MEIS2: variants seen among roughly 807,000 people sequenced by gnomAD.
MEIS2 encodes Meis homeobox 2, also known as homeobox protein Meis2.
Under a neutral mutation model 58.6 loss-of-function variants are expected in MEIS2, and 9 were observed. That is an observed-to-expected ratio of 0.15 (90% CI 0.09 to 0.27). The LOEUF (loss-of-function observed/expected upper bound fraction) is 0.27, where lower values mean the gene tolerates loss of function less well. Ranked by LOEUF, MEIS2 falls within the 10% of genes least tolerant of loss-of-function variation. The pLI is 1.00. For missense variants in MEIS2, 427 were observed against 635.0 expected (o/e 0.67, Z 3.52); for synonymous variants, 221 against 228.4 (o/e 0.97, Z 0.29).
intron 7 of MEIS2, among the ~76,000 whole-genome samples, chr15:37,062,571 T>C (rs1315967781): frequency 6.6e-6 from 1 of 152,204 alleles, no homozygotes; most frequent in East Asian, 1.9e-4. Context: ...CCTACGATCA[T>C]GGAGATTGAA....
At chr15:36,973,444 C>T (rs566060895) in intron 8 of MEIS2, among the ~76,000 whole-genome samples, 17 of 152,144 alleles carry the variant, frequency 1.1e-4, no homozygotes, top group Non-Finnish European at 2.2e-4. Context: ...ATGCTGCTGC[C>T]TCTTTAAAGC....
At chr15:36,955,371 TC>T (rs1438992342) in intron 8 of MEIS2, among the ~76,000 whole-genome samples, 1 of 152,216 alleles carries the variant, frequency 6.6e-6, no homozygotes, top group Non-Finnish European at 1.5e-5. Context: ...AAGTATAACT[TC>T]CTCAAGGTAA....
intron 7 of MEIS2, among the ~76,000 whole-genome samples, chr15:37,080,401 T>C (rs1267415315): frequency 6.6e-6 from 1 of 152,082 alleles, no homozygotes; most frequent in African/African-American, 2.4e-5. Flanking sequence ...CATGCGTAAC[T>C]CCCATCAGCG....
chr15:37,025,966 T>C (rs762508373), intron 8 of MEIS2, among the ~76,000 whole-genome samples: 7 of 152,094 alleles, frequency 4.6e-5, no homozygotes, highest in Non-Finnish European at 5.9e-5. Flanking sequence ...TCTAAATTTA[T>C]GGCTTCACAG....
At chr15:37,021,902 A>G (rs1220903446) in intron 8 of MEIS2, among the ~76,000 whole-genome samples, 1 of 152,128 alleles carries the variant, frequency 6.6e-6, no homozygotes, top group East Asian at 1.9e-4. Flanking sequence ...TACCCGGTTT[A>G]CTTTGCCTAG....
rs1418946918 is a variant in MEIS2, at chr15:37,043,796, T to A, written c.755-6837A>T. Among the ~76,000 whole-genome samples, 3 of 150,370 alleles carry A rather than the reference T, an allele frequency of 2.0e-5. No individual in the cohort carries two copies. In the Admixed American group the frequency reaches 2.0e-4, roughly 10 times the overall value. On this transcript the variant is annotated intron_variant, in intron 7 of 11. Coordinates refer to ENST00000561208, the MANE Select transcript of MEIS2 (RefSeq NM_170675.5). ...TCCACCTCCCTGGTTCAAGCGATTC[T>A]CCTGCTTCAGCCTCCCGAGTAGCTA...
At chr15:36,984,882 G>A (rs559248881) in intron 8 of MEIS2, among the ~76,000 whole-genome samples, 1 of 152,158 alleles carries the variant, frequency 6.6e-6, no homozygotes, top group South Asian at 2.1e-4. Context: ...GCACAAAATT[G>A]CTCATAGCAG....
intron 8 of MEIS2, among the ~76,000 whole-genome samples, chr15:36,959,699 T>C (rs748506306): frequency 6.6e-6 from 1 of 152,058 alleles, no homozygotes; most frequent in Non-Finnish European, 1.5e-5. Flanking sequence ...AGAATAAAAC[T>C]TTATACATGT....
chr15:37,060,195 C>A (rs948909018), intron 7 of MEIS2, among the ~76,000 whole-genome samples: 8 of 152,162 alleles, frequency 5.3e-5, no homozygotes, highest in African/African-American at 1.9e-4. Context: ...CCCATCTCAG[C>A]CTCCCAAAGC....
chr15:37,000,697 T>C (rs1193511588), intron 8 of MEIS2, among the ~76,000 whole-genome samples: 1 of 152,162 alleles, frequency 6.6e-6, no homozygotes. Flanking sequence ...TTCCCATCAA[T>C]TTGCCCATAT....
rs1452359545 is a variant in MEIS2 at position 37,095,546 on chromosome 15, A to G, written c.438+18T>C. 3.1e-6 allele frequency: 5 copies of G among 1,614,144 alleles called. No homozygotes were observed. Among genetic ancestry groups the G allele is most frequent in the Non-Finnish European group, 4.2e-6 (5 of 1,179,992 alleles). ...AGAGGGCAAAGGCTGGGGAAAAACAAGGAACAGAGAGCCTTACCAAATTGT... is the reference window on the plus strand; with the variant it reads ...AGAGGGCAAAGGCTGGGGAAAAACAGGGAACAGAGAGCCTTACCAAATTGT... On this transcript the variant is annotated intron_variant, in intron 4 of 11. Transcript: ENST00000561208.
chr15:36,892,031 T>C lies in MEIS2; in HGVS notation c.*142A>G. 1 of 875,234 alleles carries C rather than the reference T, an allele frequency of 1.1e-6. No homozygotes were observed. Among genetic ancestry groups the C allele is most frequent in the African/African-American group, 1.7e-5 (1 of 59,924 alleles). 54.2% of individuals were successfully genotyped at this position (875,234 alleles called of 1,614,324 possible). ...TTGTGTTCTTGTTGCATTGGTCCTC[T>C]GTTGCTTGATGAAAAATGACAAAAG... On this transcript the variant is annotated 3_prime_UTR_variant, in exon 12 of 12. Coordinates refer to ENST00000561208, the MANE Select transcript of MEIS2 (RefSeq NM_170675.5).
chr15:36,893,787 A>G (rs1022468422), intron 11 of MEIS2, among the ~76,000 whole-genome samples: 3 of 152,332 alleles, frequency 2.0e-5, no homozygotes, highest in East Asian at 3.9e-4. Context: ...GGCTTCATCA[A>G]TGGTGTGCCG....
intron 8 of MEIS2, among the ~76,000 whole-genome samples, chr15:36,973,285 T>C (rs2141475042): frequency 6.6e-6 from 1 of 152,268 alleles, no homozygotes; most frequent in East Asian, 1.9e-4. Context: ...AGTGGCCAAG[T>C]CACAAAAGGG....
intron 6 of MEIS2, among the ~76,000 whole-genome samples, chr15:37,089,253 A>G (rs1221071230): frequency 2.0e-5 from 3 of 152,144 alleles, no homozygotes; most frequent in African/African-American, 4.8e-5. Flanking sequence ...AAAATAAAGC[A>G]TTCATATTAT....
chr15:36,954,659 T>C (rs1009204831), intron 8 of MEIS2, among the ~76,000 whole-genome samples: 4 of 152,102 alleles, frequency 2.6e-5, no homozygotes. Flanking sequence ...CTTCCTACCC[T>C]GTAAGTCTGA....
Position 36,890,569 on chromosome 15 carries a change from T to G in MEIS2, c.*1604A>C, listed in dbSNP as rs1038237065. ...TTGTTTACTTATCTATGAACACCCATATGTAAATTTTCATTTACATATCCA... is the reference window on the plus strand; with the variant it reads ...TTGTTTACTTATCTATGAACACCCAGATGTAAATTTTCATTTACATATCCA... On this transcript the variant is annotated 3_prime_UTR_variant, in exon 12 of 12. Coordinates refer to ENST00000561208, the MANE Select transcript of MEIS2 (RefSeq NM_170675.5). The G allele has an allele frequency of 1.3e-5, 2 of 152,126 alleles. No individual in the cohort carries two copies. The highest frequency in any genetic ancestry group is 4.8e-5 in the African/African-American group (2 of 41,428). The allele number at this position is 152,126 out of a possible 1,614,324, so 9.4% of individuals were successfully genotyped here.
intron 9 of MEIS2, among the ~76,000 whole-genome samples, chr15:36,937,304 C>G (rs986341756): frequency 2.0e-5 from 3 of 152,140 alleles, no homozygotes; most frequent in East Asian, 3.9e-4. Context: ...ATGAAGGTGA[C>G]TGGGTGAAGA....
At chr15:37,093,443 G>A (rs1893802060) in intron 6 of MEIS2, 138 bp downstream of exon 6, 2 of 1,091,156 alleles carry the variant, frequency 1.8e-6, no homozygotes, top group Non-Finnish European at 2.5e-6. Flanking sequence ...GAGAAAGCAA[G>A]AAAGAGAAGA....
Sources: gnomAD v4.1 joint callset for allele counts (sites outside exome capture counted in the v4.1 genomes callset) on GRCh38, gnomAD v4.1.1 for gene constraint, MANE v1.5 for transcripts, NCBI Gene and HGNC (gene_info 2026-07-23, HGNC 2026-07-21) for gene names.